The following CHLSN variants were observed in gnomAD, a reference collection of about 807,000 sequenced individuals.
CHLSN encodes the protein protein cholesin.
At chr7:988,951 A>C in the CHLSN span, 47 of 512,640 alleles carry the variant, frequency 9.2e-5, no homozygotes, top group South Asian at 1.6e-4. Context: ...CCTCACCCCC[A>C]CCCCCACAGG....
chr7:991,601 C>T, the CHLSN span, among the ~76,000 whole-genome samples: 6 of 152,246 alleles, frequency 3.9e-5, no homozygotes, highest in Admixed American at 6.5e-5. Flanking sequence ...TGCACAGGCA[C>T]GTCCCGGGGG....
At chr7:1,016,562 CGCACACCAGT>C in the CHLSN span, among the ~76,000 whole-genome samples, 2 of 144,578 alleles carry the variant, frequency 1.4e-5, no homozygotes, top group Middle Eastern at 3.9e-3. Flanking sequence ...CGCACAGCAG[CGCACACCAGT>C]ACACAGCAGC....
the CHLSN span, among the ~76,000 whole-genome samples, chr7:1,124,567 G>C: frequency 5.7e-4 from 53 of 92,842 alleles, no homozygotes; most frequent in East Asian, 4.3e-3. Context: ...GTCGGGGGGT[G>C]GGGGGGGAGG....
At chr7:1,091,120 ATAAAGGGAAAAACACCCC>A in the CHLSN span, among the ~76,000 whole-genome samples, 1 of 152,164 alleles carries the variant, frequency 6.6e-6, no homozygotes, top group Non-Finnish European at 1.5e-5. Flanking sequence ...CTCTGTGGCT[ATAAAGGGAAAAACACCCC>A]TGCCTGTGGG....
the CHLSN span, chr7:1,028,441 G>C: frequency 4.1e-6 from 4 of 985,874 alleles, no homozygotes; most frequent in Non-Finnish European, 4.8e-6. Flanking sequence ...CGCGCCTGCG[G>C]GGACTGGACC....
At chr7:1,120,013 G>C in the CHLSN span, among the ~76,000 whole-genome samples, 1 of 151,734 alleles carries the variant, frequency 6.6e-6, no homozygotes, top group African/African-American at 2.4e-5. Context: ...TAAAAGAGAA[G>C]CACTTCTTTC....
chr7:1,118,344 G>A, the CHLSN span, among the ~76,000 whole-genome samples: 161 of 152,234 alleles, frequency 1.1e-3, 1 homozygote, highest in African/African-American at 3.8e-3. Context: ...TAAAAAACCC[G>A]ATACAAGAGA....
the CHLSN span, among the ~76,000 whole-genome samples, chr7:1,016,089 G>GCACA: frequency 8.5e-6 from 1 of 117,644 alleles, no homozygotes; most frequent in South Asian, 2.5e-4. Context: ...GCACACAGCA[G>GCACA]CGCACAGCAG....
chr7:1,077,528 C>G, the CHLSN span, among the ~76,000 whole-genome samples: 2 of 152,134 alleles, frequency 1.3e-5, no homozygotes, highest in Admixed American at 1.3e-4. Flanking sequence ...GCGCCCGGCC[C>G]CAGGTCCTAT....
At chr7:1,016,655 A>ATG in the CHLSN span, among the ~76,000 whole-genome samples, 36 of 66,964 alleles carry the variant, frequency 5.4e-4, no homozygotes, top group African/African-American at 1.6e-3. Flanking sequence ...ACAGCAGCAC[A>ATG]CAGCAGCGCA....
At chr7:1,029,038 C>G in the CHLSN span, 2 of 152,900 alleles carry the variant, frequency 1.3e-5, no homozygotes, top group Admixed American at 1.3e-4. Context: ...GGATGAGTCA[C>G]GCAGCCTTTT....
chr7:1,105,110 G>A, the CHLSN span, among the ~76,000 whole-genome samples: 5 of 152,212 alleles, frequency 3.3e-5, no homozygotes, highest in Non-Finnish European at 5.9e-5. Flanking sequence ...TTGTCATGAA[G>A]GAAGAGGTGT....
the CHLSN span, among the ~76,000 whole-genome samples, chr7:1,040,539 AAATG>A: frequency 6.6e-6 from 1 of 152,180 alleles, no homozygotes; most frequent in Non-Finnish European, 1.5e-5. Flanking sequence ...ACCTCACAAA[AAATG>A]AACTCAAATA....
chr7:1,040,183 T>TAAAA, the CHLSN span, among the ~76,000 whole-genome samples: 21 of 74,530 alleles, frequency 2.8e-4, no homozygotes, highest in African/African-American at 9.0e-4. Context: ...AAAATAAATT[T>TAAAA]AAAAAAAAAA....
the CHLSN span, among the ~76,000 whole-genome samples, chr7:1,085,983 G>T: frequency 3.3e-5 from 5 of 152,358 alleles, no homozygotes; most frequent in African/African-American, 4.8e-5. Context: ...TACATCAGTA[G>T]CTGTACAGTA....
the CHLSN span, among the ~76,000 whole-genome samples, chr7:1,103,176 C>T: frequency 1.3e-5 from 2 of 152,216 alleles, no homozygotes; most frequent in Non-Finnish European, 2.9e-5. Flanking sequence ...TCGCAGGCCA[C>T]AGGGAAAGGC....
chr7:1,105,079 A>C, the CHLSN span, among the ~76,000 whole-genome samples: 2 of 152,252 alleles, frequency 1.3e-5, no homozygotes, highest in East Asian at 3.8e-4. Context: ...TATGTATCGC[A>C]ATTTTATAAA....
the CHLSN span, among the ~76,000 whole-genome samples, chr7:1,106,323 A>G: frequency 6.6e-6 from 1 of 152,214 alleles, no homozygotes; most frequent in Non-Finnish European, 1.5e-5. Flanking sequence ...AGGGCCATCC[A>G]GACCCAGCCA....
the CHLSN span, chr7:997,211 A>C: frequency 6.3e-6 from 1 of 159,278 alleles, no homozygotes; most frequent in Non-Finnish European, 1.4e-5. Context: ...GGGATCGGGA[A>C]TCAGGCGGAA....
Sources: allele counts gnomAD v4.1 joint callset (sites outside exome capture counted in the v4.1 genomes callset), GRCh38; gene constraint gnomAD v4.1.1; transcripts MANE v1.5; gene names NCBI Gene and HGNC (gene_info 2026-07-23, HGNC 2026-07-21).